Variants in LRRTM4 observed in about 807,000 individuals in gnomAD.
The protein encoded by LRRTM4 is leucine rich repeat transmembrane neuronal 4.
In LRRTM4, 25 loss-of-function variants were observed where a neutral mutation model predicts 47.6. That is an observed-to-expected ratio of 0.53 (90% CI 0.38 to 0.73). The LOEUF is 0.73. Among genes scored for constraint, LRRTM4 ranks in the 30% least tolerant of loss-of-function variants. The probability of loss-of-function intolerance (pLI) is 0.00; values close to 1 mark genes in which losing one functional copy is unlikely to be tolerated. For synonymous variants in LRRTM4, 311 were observed against 269.5 expected (o/e 1.15, Z -1.51); for missense variants, 638 against 713.4 (o/e 0.89, Z 1.20).
chr2:76,956,257 C>T (rs963177473), intron 3 of LRRTM4, among the ~76,000 whole-genome samples: 4 of 151,400 alleles, frequency 2.6e-5, no homozygotes, highest in Non-Finnish European at 4.4e-5. Context: ...CTTCTCTGAC[C>T]ACAGTGGAAG....
chr2:76,777,303 T>C (rs1405652602), intron 3 of LRRTM4, among the ~76,000 whole-genome samples: 2 of 143,894 alleles, frequency 1.4e-5, no homozygotes, highest in African/African-American at 5.1e-5. Flanking sequence ...AAGAAAGGCA[T>C]TGGTAGCTTG....
chr2:77,367,597 T>C (rs1672509955), intron 3 of LRRTM4, among the ~76,000 whole-genome samples: 1 of 151,870 alleles, frequency 6.6e-6, no homozygotes, highest in Non-Finnish European at 1.5e-5. Flanking sequence ...CAGTCAGCCT[T>C]CTTCTAGCTC....
chr2:76,805,991 C>G (rs917488548), intron 3 of LRRTM4, among the ~76,000 whole-genome samples: 1 of 152,144 alleles, frequency 6.6e-6, no homozygotes, highest in Non-Finnish European at 1.5e-5. Context: ...GCTTACAGTT[C>G]CAGGGGTTGG....
intron 3 of LRRTM4, among the ~76,000 whole-genome samples, chr2:77,015,619 C>T (rs866361117): frequency 1.5e-4 from 23 of 151,822 alleles, no homozygotes; most frequent in African/African-American, 2.4e-4. Flanking sequence ...CCACCATGCC[C>T]GGCGGAAGTT....
At chr2:77,410,392 C>T (rs1674372632) in intron 3 of LRRTM4, among the ~76,000 whole-genome samples, 1 of 152,066 alleles carries the variant, frequency 6.6e-6, no homozygotes, top group Non-Finnish European at 1.5e-5. Context: ...ACTTGAAACC[C>T]CTGTTAGATA....
intron 3 of LRRTM4, among the ~76,000 whole-genome samples, chr2:76,977,588 G>C (rs564284167): frequency 1.7e-4 from 26 of 151,942 alleles, no homozygotes; most frequent in African/African-American, 6.0e-4. Context: ...CAATGCCCAA[G>C]GCATAAATGC....
At chr2:77,190,785 T>C (rs949408349) in intron 3 of LRRTM4, among the ~76,000 whole-genome samples, 4 of 152,098 alleles carry the variant, frequency 2.6e-5, no homozygotes, top group African/African-American at 9.7e-5. Flanking sequence ...GCAAACAGAA[T>C]ATGTGGGCTC....
At chr2:77,267,567 C>T (rs371184334) in intron 3 of LRRTM4, among the ~76,000 whole-genome samples, 2 of 152,174 alleles carry the variant, frequency 1.3e-5, no homozygotes, top group African/African-American at 4.8e-5. Context: ...AGGCCTCACT[C>T]TCTCAAAACT....
chr2:76,801,683 C>G (rs1558663355), intron 3 of LRRTM4, among the ~76,000 whole-genome samples: 1 of 151,638 alleles, frequency 6.6e-6, no homozygotes, highest in Non-Finnish European at 1.5e-5. Context: ...AAGAAAAGTA[C>G]AGGTTAACAT....
chr2:77,519,159 T>C lies in LRRTM4; in HGVS notation c.710A>G (p.Gln237Arg). 1 of 1,613,214 alleles carries C rather than the reference T, an allele frequency of 6.2e-7. No individual in the cohort carries two copies. Among genetic ancestry groups the C allele is most frequent in the South Asian group, 1.1e-5 (1 of 91,072 alleles). Residue 237 changes from glutamine (Q) to arginine (R), a missense_variant, in exon 3 of 4, where the codon CAA becomes CGA. Physicochemically the swap from Gln to Arg is conservative, Grantham distance 43. Coordinates refer to ENST00000409884, the MANE Select transcript of LRRTM4 (RefSeq NM_001134745.3). This position sits in a 1 kb window ranked among gnomAD's most constrained non-coding sequence, Gnocchi z 4.6. ...RLFNLRSIYL[Q>R]WNRIRSISQG... Reference sequence around the variant, plus strand: ...GCTAATGGAGCGAATCCTGTTCCATTGTAAGTAAATTGAGCGGAGGTTGAA... The same window carrying C: ...GCTAATGGAGCGAATCCTGTTCCATCGTAAGTAAATTGAGCGGAGGTTGAA...
chr2:77,407,318 C>T (rs889733028), intron 3 of LRRTM4, among the ~76,000 whole-genome samples: 73 of 151,520 alleles, frequency 4.8e-4, no homozygotes, highest in African/African-American at 1.6e-3. Flanking sequence ...TCAGAATGTG[C>T]CCTGAAATAT....
chr2:76,994,649 G>T (rs1182027033), intron 3 of LRRTM4, among the ~76,000 whole-genome samples: 3 of 151,874 alleles, frequency 2.0e-5, no homozygotes, highest in Non-Finnish European at 1.5e-5. Flanking sequence ...GAAATATTAT[G>T]AAATATTAGC....
At chr2:77,521,067 G>A (rs776645540) in intron 2 of LRRTM4, among the ~76,000 whole-genome samples, 4 of 151,056 alleles carry the variant, frequency 2.6e-5, no homozygotes, top group South Asian at 2.1e-4. Context: ...TTTAAAACCC[G>A]ATCTTGCTCT....
At chr2:76,864,313 C>T (rs1200879222) in intron 3 of LRRTM4, among the ~76,000 whole-genome samples, 2 of 152,122 alleles carry the variant, frequency 1.3e-5, no homozygotes, top group Admixed American at 1.3e-4. Context: ...ATTTCCACAC[C>T]TCTGAGATTG....
chr2:77,000,646 G>A (rs532577646), intron 3 of LRRTM4, among the ~76,000 whole-genome samples: 10 of 152,274 alleles, frequency 6.6e-5, no homozygotes, highest in African/African-American at 2.2e-4. Context: ...GTTGTTTGTG[G>A]AACAGGAAGC....
At position 76,748,657 on chromosome 2, in the gene LRRTM4, C is replaced by T; in HGVS notation, c.*38G>A. ...CCTTTAAGATGAAGGCCCTCCCTCC[C>T]CCCCATGGAGCTCCCCAGTGAGGAG... is the stretch of plus-strand genomic sequence containing the variant. On this transcript the variant is annotated 3_prime_UTR_variant, in exon 4 of 4. Transcript: ENST00000409884. 4 of 1,403,852 alleles carry T rather than the reference C, an allele frequency of 2.8e-6. No individual in the cohort carries two copies. Among genetic ancestry groups the T allele is most frequent in the South Asian group, 1.2e-5 (1 of 86,916 alleles). The allele number at this position is 1,403,852 out of a possible 1,614,324, so 87.0% of individuals were successfully genotyped here.
chr2:77,062,179 T>C (rs1026775761), intron 3 of LRRTM4, among the ~76,000 whole-genome samples: 1 of 152,142 alleles, frequency 6.6e-6, no homozygotes, highest in Non-Finnish European at 1.5e-5. Flanking sequence ...TTCTGCATAT[T>C]TACATTATTG....
chr2:77,237,795 G>C (rs181930246), intron 3 of LRRTM4, among the ~76,000 whole-genome samples: 176 of 152,228 alleles, frequency 1.2e-3, no homozygotes, highest in African/African-American at 3.8e-3. Flanking sequence ...CTATACAAAA[G>C]ATGCAGGCTG....
intron 3 of LRRTM4, among the ~76,000 whole-genome samples, chr2:77,347,045 T>A (rs544827731): frequency 5.1e-4 from 77 of 152,272 alleles, no homozygotes; most frequent in African/African-American, 1.8e-3. Context: ...TTGGCCAATA[T>A]AGGGTGGCCA....
Sources: gnomAD v4.1 joint callset for allele counts (sites outside exome capture counted in the v4.1 genomes callset) on GRCh38, gnomAD v4.1.1 for gene constraint, Gnocchi (gnomAD v3.1) non-coding constraint, MANE v1.5 for transcripts, NCBI Gene and HGNC (gene_info 2026-07-23, HGNC 2026-07-21) for gene names.